The following XRN2 variants were observed in gnomAD, a reference collection of about 807,000 sequenced individuals.
The protein encoded by XRN2 is 5'-3' exoribonuclease 2.
A neutral mutation model predicts 138.5 loss-of-function variants in XRN2; 44 were observed. The ratio of observed to expected loss-of-function variants is 0.32; its 90% CI spans 0.25 to 0.41. XRN2 has a LOEUF of 0.41. Among genes scored for constraint, XRN2 ranks in the 10% least tolerant of loss-of-function variants. The probability of loss-of-function intolerance (pLI) is 1.00; values close to 1 mark genes in which losing one functional copy is unlikely to be tolerated. For missense variants in XRN2, 937 were observed against 1,169.3 expected, an observed-to-expected ratio of 0.80 and a Z score of 2.90; for synonymous variants, 354 against 369.4, an observed-to-expected ratio of 0.96 and a Z score of 0.48.
chr20:21,331,019 A>G (rs1169081302), intron 6 of XRN2, among the ~76,000 whole-genome samples: 1 of 152,210 alleles, frequency 6.6e-6, no homozygotes, highest in African/African-American at 2.4e-5. Context: ...ACATATCAAT[A>G]TACAGCAAAA....
chr20:21,385,872 T>G (rs548614818), intron 28 of XRN2, among the ~76,000 whole-genome samples: 2 of 152,300 alleles, frequency 1.3e-5, no homozygotes, highest in East Asian at 3.9e-4. Flanking sequence ...ATTTAAAGTT[T>G]TATTGAATTC....
intron 27 of XRN2, among the ~76,000 whole-genome samples, chr20:21,374,143 A>G (rs2038792292): frequency 6.6e-6 from 1 of 152,198 alleles, no homozygotes; most frequent in Non-Finnish European, 1.5e-5. Context: ...GCTTGTTTAT[A>G]TGTAGAAATA....
intron 24 of XRN2, among the ~76,000 whole-genome samples, chr20:21,364,974 A>C (rs2038678171): frequency 6.6e-6 from 1 of 152,216 alleles, no homozygotes; most frequent in East Asian, 1.9e-4. Context: ...ATTTGTGTGC[A>C]TTTTTTGATT....
At chr20:21,338,940 C>T (rs915732648) in intron 13 of XRN2, 104 bp from the exon 14 acceptor site, 51 of 1,034,562 alleles carry the variant, frequency 4.9e-5, no homozygotes, top group Middle Eastern at 4.5e-4. Flanking sequence ...TTTCTGGGGT[C>T]GTCCTTTAAA....
At chr20:21,318,182 T>C (rs2037985965) in intron 1 of XRN2, among the ~76,000 whole-genome samples, 1 of 152,220 alleles carries the variant, frequency 6.6e-6, no homozygotes, top group Non-Finnish European at 1.5e-5. Context: ...GTCCATTTCA[T>C]CTAAGTTATC....
chr20:21,303,491 G>T lies in XRN2; in HGVS notation c.75+18G>T, dbSNP rs1321067517. 8 of 1,536,102 alleles carry T rather than the reference G, an allele frequency of 5.2e-6. No homozygotes were observed. The highest frequency in any genetic ancestry group is 7.0e-6 in the Non-Finnish European group (8 of 1,142,794). ...AAGAGAAGGTGAGGAGGCGCCAGGCGGCCGCCACACTCGAGCCCGGGCCCC... is the reference window on the plus strand; with the variant it reads ...AAGAGAAGGTGAGGAGGCGCCAGGCTGCCGCCACACTCGAGCCCGGGCCCC... On this transcript the variant is annotated intron_variant, in intron 1 of 29. Coordinates refer to ENST00000377191, the MANE Select transcript of XRN2 (RefSeq NM_012255.5).
chr20:21,366,319 AG>A (rs1355305997), intron 26 of XRN2, among the ~76,000 whole-genome samples: 61 of 147,920 alleles, frequency 4.1e-4, no homozygotes, highest in African/African-American at 1.5e-3. Flanking sequence ...AGGCTGAGGC[AG>A]GCAGATCATG....
intron 20 of XRN2, among the ~76,000 whole-genome samples, chr20:21,351,748 A>T (rs949036914): frequency 6.6e-6 from 1 of 152,122 alleles, no homozygotes; most frequent in African/African-American, 2.4e-5. Context: ...ATCCATTTTG[A>T]ATTAATTTTT....
intron 28 of XRN2, among the ~76,000 whole-genome samples, chr20:21,385,078 C>T (rs897926637): frequency 6.6e-5 from 10 of 152,056 alleles, no homozygotes; most frequent in Non-Finnish European, 2.9e-5. Flanking sequence ...TCAATTCAAA[C>T]AAAAAGAACT....
At chr20:21,358,947 T>C (rs1477122473) in intron 24 of XRN2, among the ~76,000 whole-genome samples, 1 of 152,200 alleles carries the variant, frequency 6.6e-6, no homozygotes, top group Non-Finnish European at 1.5e-5. Flanking sequence ...ATTAAAGCAT[T>C]GGCGCTTCAG....
chr20:21,380,807 T>G (rs1322643108), intron 27 of XRN2, among the ~76,000 whole-genome samples: 3 of 152,110 alleles, frequency 2.0e-5, no homozygotes, highest in Non-Finnish European at 2.9e-5. Context: ...TGGACTGATG[T>G]GGGAGTGGGC....
At chr20:21,318,462 T>C (rs553768535) in intron 1 of XRN2, among the ~76,000 whole-genome samples, 5 of 152,082 alleles carry the variant, frequency 3.3e-5, no homozygotes, top group African/African-American at 4.8e-5. Context: ...TTGCTTTAGG[T>C]TTAGTTTACT....
intron 1 of XRN2, among the ~76,000 whole-genome samples, chr20:21,319,231 ATTATCT>A (rs1600675056): frequency 1.3e-5 from 2 of 151,994 alleles, no homozygotes; most frequent in African/African-American, 2.4e-5. Flanking sequence ...TGTCTGCATG[ATTATCT>A]TTTCTCATCC....
At chr20:21,382,898 CCAT>C (rs1261613384) in intron 28 of XRN2, among the ~76,000 whole-genome samples, 1 of 152,142 alleles carries the variant, frequency 6.6e-6, no homozygotes, top group African/African-American at 2.4e-5. Flanking sequence ...AAATTAAGCC[CCAT>C]CATAATAAGG....
chr20:21,309,248 G>A (rs2037845187), intron 1 of XRN2, among the ~76,000 whole-genome samples: 1 of 152,184 alleles, frequency 6.6e-6, no homozygotes, highest in Non-Finnish European at 1.5e-5. Context: ...TTCCTAAAAT[G>A]TTTGATAGAA....
At chr20:21,303,781 C>T (rs2037774075) in intron 1 of XRN2, 7 of 1,134,270 alleles carry the variant, frequency 6.2e-6, no homozygotes, top group Non-Finnish European at 2.2e-6. Context: ...GCTTTGTTTC[C>T]TCTCCAGACC....
At chr20:21,353,753 C>T (rs1488357667) in intron 20 of XRN2, among the ~76,000 whole-genome samples, 1 of 150,746 alleles carries the variant, frequency 6.6e-6, no homozygotes, top group Non-Finnish European at 1.5e-5. Context: ...AATGATCGTG[C>T]CACTGCACTC....
At chr20:21,330,586 A>G (rs777391313) in intron 5 of XRN2, 30 bp from the exon 6 acceptor site, 2 of 1,613,524 alleles carry the variant, frequency 1.2e-6, no homozygotes, top group Non-Finnish European at 1.7e-6. Context: ...CTTAAATGAT[A>G]GGTTAATTTA....
At chr20:21,346,895 G>T (rs1234265975) in intron 17 of XRN2, among the ~76,000 whole-genome samples, 1 of 152,132 alleles carries the variant, frequency 6.6e-6, no homozygotes, top group Non-Finnish European at 1.5e-5. Flanking sequence ...GGGATTACAG[G>T]CATGAACCAC....
Sources: gnomAD v4.1 joint callset for allele counts (sites outside exome capture counted in the v4.1 genomes callset) on GRCh38, gnomAD v4.1.1 for gene constraint, MANE v1.5 for transcripts, NCBI Gene and HGNC (gene_info 2026-07-23, HGNC 2026-07-21) for gene names.